The following NTM variants were observed in gnomAD, a reference collection of about 807,000 sequenced individuals.
NTM encodes the protein neurotrimin.
A neutral mutation model predicts 42.1 loss-of-function variants in NTM; 13 were observed. That is an observed-to-expected ratio of 0.31 (90% confidence interval 0.20 to 0.49). The LOEUF is 0.49. NTM is among the 20% of genes least tolerant of loss of function. The pLI, the probability that NTM is intolerant of heterozygous loss-of-function variation, is 0.99. For missense variants in NTM, 373 were observed against 452.8 expected, an observed-to-expected ratio of 0.82 and a Z score of 1.60; for synonymous variants, 187 against 179.2, an observed-to-expected ratio of 1.04 and a Z score of -0.35.
intron 4 of NTM, among the ~76,000 whole-genome samples, chr11:132,283,306 A>G (rs1250942932): frequency 2.6e-5 from 4 of 152,094 alleles, no homozygotes; most frequent in Non-Finnish European, 5.9e-5. Flanking sequence ...TTTCTGTCAT[A>G]TGGTGTAAAA....
intron 1 of NTM, among the ~76,000 whole-genome samples, chr11:131,716,307 T>G (rs2077683833): frequency 6.6e-6 from 1 of 152,182 alleles, no homozygotes; most frequent in African/African-American, 2.4e-5. Flanking sequence ...TTAGAATTCC[T>G]TTCAACATGA....
At chr11:132,250,149 A>G (rs1479434931) in intron 4 of NTM, among the ~76,000 whole-genome samples, 1 of 152,216 alleles carries the variant, frequency 6.6e-6, no homozygotes, top group Non-Finnish European at 1.5e-5. Flanking sequence ...ATTCTGATAC[A>G]GAATGTTAAG....
intron 1 of NTM, among the ~76,000 whole-genome samples, chr11:131,907,196 C>A (rs373149959): frequency 5.3e-5 from 8 of 152,188 alleles, no homozygotes; most frequent in African/African-American, 1.9e-4. Context: ...CTCCTCTTTT[C>A]GTCTCTTGTG....
intron 1 of NTM, among the ~76,000 whole-genome samples, chr11:131,636,460 C>T (rs2064399715): frequency 6.6e-6 from 1 of 152,194 alleles, no homozygotes; most frequent in Non-Finnish European, 1.5e-5. Flanking sequence ...ATCCTGAAAA[C>T]ACCTTGCTTT....
In NTM at chr11:131,796,218, C is replaced by T. The variant is rs2091539741; in HGVS notation, c.83-115346C>T. 4 of 965,370 alleles carry T rather than the reference C, an allele frequency of 4.1e-6. No homozygotes were observed. The South Asian group carries it at 1.4e-4, about 35-fold the overall frequency. The allele number at this position is 965,370 out of a possible 1,614,324, so 59.8% of individuals were successfully genotyped here. ...GGTTAAGGTGGTCAGAAACTAGAAC[C>T]TGTACCTGTGGAAGAGGCCATGCAC... On this transcript the variant is annotated intron_variant, in intron 1 of 8. Coordinates refer to ENST00000683400, the MANE Select transcript of NTM (RefSeq NM_001352005.2).
At chr11:131,935,146 G>A (rs1443276041) in intron 2 of NTM, among the ~76,000 whole-genome samples, 2 of 152,124 alleles carry the variant, frequency 1.3e-5, no homozygotes, top group Non-Finnish European at 1.5e-5. Context: ...TAATATGGAG[G>A]GTGTTACTGA....
intron 1 of NTM, among the ~76,000 whole-genome samples, chr11:131,841,722 G>A (rs1348011875): frequency 6.6e-6 from 1 of 152,132 alleles, no homozygotes; most frequent in East Asian, 1.9e-4. Context: ...GAAGGTAGAG[G>A]GGCCTTGATG....
At chr11:131,975,783 G>T (rs147995393) in intron 2 of NTM, among the ~76,000 whole-genome samples, 2 of 152,246 alleles carry the variant, frequency 1.3e-5, no homozygotes, top group East Asian at 1.9e-4. Context: ...AAGGAAGAGG[G>T]TCATGAGAGG....
chr11:131,656,381 A>C (rs931891901), intron 1 of NTM, among the ~76,000 whole-genome samples: 1 of 152,192 alleles, frequency 6.6e-6, no homozygotes, highest in African/African-American at 2.4e-5. Flanking sequence ...CTAAAAAGAC[A>C]CAGAAGCAAC....
intron 1 of NTM, among the ~76,000 whole-genome samples, chr11:131,885,312 G>A (rs927638712): frequency 6.6e-6 from 1 of 152,188 alleles, no homozygotes. Flanking sequence ...AGAGAGATCC[G>A]GCATATCTGT....
intron 1 of NTM, among the ~76,000 whole-genome samples, chr11:131,781,576 G>A (rs1554802): frequency 0.55 from 82,945 of 151,972 alleles, 22,908 homozygotes; most frequent in Middle Eastern, 0.61. Context: ...TTAATTAATG[G>A]AATATAGCAT....
At chr11:132,029,568 C>A (rs1437887594) in intron 2 of NTM, among the ~76,000 whole-genome samples, 1 of 151,994 alleles carries the variant, frequency 6.6e-6, no homozygotes, top group East Asian at 1.9e-4. Context: ...ATGACTCCAG[C>A]CTGTTTAGGT....
At chr11:131,790,543 T>C (rs1351004043) in intron 1 of NTM, among the ~76,000 whole-genome samples, 1 of 152,184 alleles carries the variant, frequency 6.6e-6, no homozygotes, top group Non-Finnish European at 1.5e-5. Flanking sequence ...ATGCATCCCA[T>C]GTATTCAGCC....
intron 1 of NTM, among the ~76,000 whole-genome samples, chr11:131,580,086 GCTAT>G (rs1337892917): frequency 6.6e-6 from 1 of 152,116 alleles, no homozygotes; most frequent in African/African-American, 2.4e-5. Context: ...GAGCAGTGGG[GCTAT>G]CTGTGTGGAT....
At chr11:132,082,243 A>G (rs937748725) in intron 2 of NTM, among the ~76,000 whole-genome samples, 10 of 152,098 alleles carry the variant, frequency 6.6e-5, no homozygotes, top group African/African-American at 2.2e-4. Context: ...AAAATTAGGC[A>G]CACGGACACA....
chr11:131,857,117 G>A (rs1396112142), intron 1 of NTM, among the ~76,000 whole-genome samples: 1 of 152,012 alleles, frequency 6.6e-6, no homozygotes, highest in Non-Finnish European at 1.5e-5. Context: ...AATGTCACTG[G>A]GCAGTTGTCA....
intron 4 of NTM, among the ~76,000 whole-genome samples, chr11:132,275,078 A>G (rs1390452853): frequency 2.6e-5 from 4 of 152,062 alleles, no homozygotes; most frequent in African/African-American, 9.7e-5. Context: ...TGATAAACTT[A>G]TATATAGTTT....
intron 3 of NTM, among the ~76,000 whole-genome samples, chr11:132,158,823 T>C (rs374116448): frequency 9.9e-5 from 15 of 152,244 alleles, no homozygotes; most frequent in African/African-American, 3.1e-4. Flanking sequence ...CTTAGCAAGG[T>C]AAAGAATTGA....
At chr11:132,179,137 T>C (rs965565511) in intron 3 of NTM, among the ~76,000 whole-genome samples, 1 of 152,180 alleles carries the variant, frequency 6.6e-6, no homozygotes, top group African/African-American at 2.4e-5. Flanking sequence ...TGCTAAAATA[T>C]AACACAATGA....
Sources: allele counts gnomAD v4.1 joint callset (sites outside exome capture counted in the v4.1 genomes callset), GRCh38; gene constraint gnomAD v4.1.1; transcripts MANE v1.5; gene names NCBI Gene and HGNC (gene_info 2026-07-23, HGNC 2026-07-21).